CHCHD3: variants seen among roughly 807,000 people sequenced by gnomAD.
CHCHD3 encodes MICOS complex subunit MIC19.
Under a neutral mutation model 38.2 loss-of-function variants are expected in CHCHD3, and 20 were observed. The ratio of observed to expected loss-of-function variants is 0.52; its 90% CI spans 0.37 to 0.76. The LOEUF (loss-of-function observed/expected upper bound fraction) is 0.76. Among genes scored for constraint, CHCHD3 ranks in the 30% least tolerant of loss-of-function variants. CHCHD3 has a pLI of 0.00. For missense variants in CHCHD3, 245 were observed against 279.2 expected, an observed-to-expected ratio of 0.88 and a Z score of 0.87; for synonymous variants, 82 against 100.0, an observed-to-expected ratio of 0.82 and a Z score of 1.07.
intron 6 of CHCHD3, among the ~76,000 whole-genome samples, chr7:132,809,839 A>G (rs574666526): frequency 5.3e-5 from 8 of 152,324 alleles, no homozygotes; most frequent in African/African-American, 1.9e-4. Context: ...TAAGGGCACT[A>G]TCTACAGCAG....
At chr7:132,787,217 G>A (rs1806342511) in intron 7 of CHCHD3, among the ~76,000 whole-genome samples, 1 of 152,214 alleles carries the variant, frequency 6.6e-6, no homozygotes, top group South Asian at 2.1e-4. Flanking sequence ...ACGGACGCCA[G>A]GCTGAGACAT....
At chr7:132,954,616 C>T (rs759473832) in intron 4 of CHCHD3, among the ~76,000 whole-genome samples, 10 of 152,066 alleles carry the variant, frequency 6.6e-5, no homozygotes, top group Non-Finnish European at 1.2e-4. Flanking sequence ...CAACAAAAGA[C>T]GGACTCTACA....
intron 5 of CHCHD3, among the ~76,000 whole-genome samples, chr7:132,862,694 T>G (rs1336173675): frequency 6.6e-6 from 1 of 152,192 alleles, no homozygotes; most frequent in Non-Finnish European, 1.5e-5. Context: ...TAAAACTTCT[T>G]TCAAAATTCA....
intron 7 of CHCHD3, among the ~76,000 whole-genome samples, chr7:132,789,539 C>T (rs896821838): frequency 5.9e-5 from 9 of 152,132 alleles, no homozygotes; most frequent in South Asian, 2.1e-4. Context: ...CCATCCTAAC[C>T]GCTTGCCTCA....
chr7:132,933,374 A>G (rs1810561906), intron 4 of CHCHD3, among the ~76,000 whole-genome samples: 1 of 152,200 alleles, frequency 6.6e-6, no homozygotes, highest in African/African-American at 2.4e-5. Flanking sequence ...CATCACGAGA[A>G]GTATGTATTT....
At chr7:132,898,067 G>A (rs1158314812) in intron 4 of CHCHD3, among the ~76,000 whole-genome samples, 4 of 151,840 alleles carry the variant, frequency 2.6e-5, no homozygotes, top group South Asian at 2.1e-4. Flanking sequence ...TGTTCCTCCC[G>A]GTGGGCTCGT....
At chr7:132,878,075 G>A (rs188664316) in intron 5 of CHCHD3, among the ~76,000 whole-genome samples, 6 of 152,178 alleles carry the variant, frequency 3.9e-5, no homozygotes, top group Non-Finnish European at 8.8e-5. Context: ...TCCAAAAAAC[G>A]ACTGTTTATA....
intron 3 of CHCHD3, among the ~76,000 whole-genome samples, chr7:133,022,668 T>C (rs4731929): frequency 0.03 from 4,614 of 152,198 alleles, 90 homozygotes; most frequent in Non-Finnish European, 0.047. Context: ...CACCCTCTGC[T>C]CTCCTTAAAG....
At position 133,081,861 on chromosome 7, in the gene CHCHD3, A is replaced by C; in HGVS notation, c.77T>G (p.Ile26Ser). The C allele has an allele frequency of 6.4e-7, 1 of 1,553,774 alleles. No homozygotes were observed. Among genetic ancestry groups the C allele is most frequent in the Non-Finnish European group, 8.7e-7 (1 of 1,148,024 alleles). ...CGCCCGTCCACGGGCACTCACCCGG[A>C]TGCCCTTCACCACGGTGATGTTCTC... ...ENENITVVKG[I>S]RLSENVIDRM... The change falls in exon 1 of 8, where the codon ATC becomes AGC. Residue 26 changes from isoleucine (I) to serine (S), a missense_variant. By Grantham distance (142) the Ile-to-Ser change is moderately radical. Transcript: ENST00000262570.
At chr7:132,907,602 A>T (rs1056529266) in intron 4 of CHCHD3, among the ~76,000 whole-genome samples, 3 of 152,154 alleles carry the variant, frequency 2.0e-5, no homozygotes, top group Non-Finnish European at 4.4e-5. Flanking sequence ...GCCAGAAAAT[A>T]AGTGAGAACT....
chr7:132,944,122 CATCAAT>C (rs1211262689), intron 4 of CHCHD3, among the ~76,000 whole-genome samples: 2 of 152,010 alleles, frequency 1.3e-5, no homozygotes, highest in Non-Finnish European at 1.5e-5. Context: ...GAAAATAAGT[CATCAAT>C]ATCAAGTCAT....
chr7:132,921,594 C>T (rs1810264808), intron 4 of CHCHD3, among the ~76,000 whole-genome samples: 1 of 151,940 alleles, frequency 6.6e-6, no homozygotes, highest in African/African-American at 2.4e-5. Context: ...AGCTTGAGAC[C>T]TTTATTAAAT....
At chr7:133,077,355 A>G (rs1391402393) in intron 1 of CHCHD3, among the ~76,000 whole-genome samples, 1 of 152,208 alleles carries the variant, frequency 6.6e-6, no homozygotes, top group Non-Finnish European at 1.5e-5. Flanking sequence ...ATCCTCAGTA[A>G]TACCGCATAT....
chr7:132,952,699 G>A lies in CHCHD3; in HGVS notation c.369+22470C>T, dbSNP rs139597854. On this transcript the variant is annotated intron_variant, in intron 4 of 7. Transcript: ENST00000262570. The stretch of plus-strand genomic sequence containing the variant: ...TGATAAAAAGTGTTATAGTATTGTA[G>A]GCTCAAAAGTTTGTACTAACAGCTT... 2.5e-3 allele frequency among the ~76,000 whole-genome samples: 377 copies of A among 152,296 alleles called. 2 individuals are homozygous for A. Among genetic ancestry groups the A allele is most frequent in the African/African-American group, 8.0e-3 (334 of 41,558 alleles).
chr7:132,908,462 T>G (rs748287943), intron 4 of CHCHD3, among the ~76,000 whole-genome samples: 34 of 152,234 alleles, frequency 2.2e-4, no homozygotes, highest in Non-Finnish European at 4.4e-4. Context: ...TTGTTTAGTA[T>G]GCCATCTTCA....
intron 4 of CHCHD3, among the ~76,000 whole-genome samples, chr7:132,961,113 T>C (rs778886679): frequency 6.6e-6 from 1 of 152,032 alleles, no homozygotes; most frequent in Non-Finnish European, 1.5e-5. Context: ...ACCTCATCTC[T>C]ACAAAAGATA....
chr7:132,845,502 G>C (rs1562883418), intron 5 of CHCHD3, among the ~76,000 whole-genome samples: 1 of 152,132 alleles, frequency 6.6e-6, no homozygotes, highest in Non-Finnish European at 1.5e-5. Flanking sequence ...TAGTGGACCA[G>C]TGTCAGGAGC....
chr7:133,075,476 C>T (rs1034157578), intron 1 of CHCHD3, among the ~76,000 whole-genome samples: 2 of 152,124 alleles, frequency 1.3e-5, no homozygotes, highest in African/African-American at 2.4e-5. Context: ...CTGCTCATAG[C>T]GACGTAGATA....
chr7:133,079,436 C>CT (rs1815107365), intron 1 of CHCHD3, among the ~76,000 whole-genome samples: 1 of 152,230 alleles, frequency 6.6e-6, no homozygotes. Flanking sequence ...GGCACATGCT[C>CT]TTTCCACTAC....
Sources: gnomAD v4.1 joint callset for allele counts (sites outside exome capture counted in the v4.1 genomes callset) on GRCh38, gnomAD v4.1.1 for gene constraint, MANE v1.5 for transcripts, NCBI Gene and HGNC (gene_info 2026-07-23, HGNC 2026-07-21) for gene names.